Variants in TMEM132C observed in about 807,000 individuals in gnomAD.
TMEM132C encodes the protein protein phosphatase 1, regulatory subunit 152.
TMEM132C carries 29 observed loss-of-function variants against 61.4 expected under a neutral mutation model. That is an observed-to-expected ratio of 0.47 (90% CI 0.35 to 0.64). The LOEUF (loss-of-function observed/expected upper bound fraction) is 0.64. Among genes scored for constraint, TMEM132C ranks in the 30% least tolerant of loss-of-function variants. The probability of loss-of-function intolerance (pLI) is 0.00; values close to 1 mark genes in which losing one functional copy is unlikely to be tolerated. For synonymous variants in TMEM132C, 656 were observed against 633.1 expected (o/e 1.04, Z -0.54); for missense variants, 1,408 against 1,476.9 (o/e 0.95, Z 0.76).
intron 1 of TMEM132C, among the ~76,000 whole-genome samples, chr12:128,380,182 A>G (rs1268791141): frequency 6.6e-6 from 1 of 152,272 alleles, no homozygotes; most frequent in Admixed American, 6.5e-5. Context: ...AGGAAGCTTC[A>G]GAAAGATGGT....
intron 2 of TMEM132C, among the ~76,000 whole-genome samples, chr12:128,457,111 T>G (rs1870371951): frequency 6.6e-6 from 1 of 152,130 alleles, no homozygotes; most frequent in African/African-American, 2.4e-5. Context: ...TATATGCATG[T>G]TTTTGTGTGG....
At chr12:128,471,193 C>A (rs1321235409) in intron 2 of TMEM132C, among the ~76,000 whole-genome samples, 1 of 152,226 alleles carries the variant, frequency 6.6e-6, no homozygotes, top group Non-Finnish European at 1.5e-5. Flanking sequence ...CTGCTTCGAT[C>A]TGTGACAACC....
intron 4 of TMEM132C, among the ~76,000 whole-genome samples, chr12:128,637,620 C>G (rs1012003775): frequency 1.3e-5 from 2 of 152,138 alleles, no homozygotes; most frequent in Non-Finnish European, 2.9e-5. Flanking sequence ...CCCGGGCTGG[C>G]CTGGAACTCG....
intron 2 of TMEM132C, among the ~76,000 whole-genome samples, chr12:128,471,464 G>C (rs1239637243): frequency 6.6e-6 from 1 of 152,174 alleles, no homozygotes; most frequent in Non-Finnish European, 1.5e-5. Flanking sequence ...GAACCAAATG[G>C]AAGGAGGTTG....
chr12:128,604,001 G>C (rs1211073889), intron 3 of TMEM132C, among the ~76,000 whole-genome samples: 2 of 152,212 alleles, frequency 1.3e-5, no homozygotes, highest in Non-Finnish European at 2.9e-5. Flanking sequence ...GTAGAGAGAA[G>C]AGAGTGTCGA....
intron 3 of TMEM132C, among the ~76,000 whole-genome samples, chr12:128,598,474 G>T (rs937446309): frequency 1.3e-5 from 2 of 152,048 alleles, no homozygotes; most frequent in African/African-American, 2.4e-5. Context: ...GTGGAAGACA[G>T]CTCCCCAGCC....
intron 1 of TMEM132C, among the ~76,000 whole-genome samples, chr12:128,293,473 CA>C (rs77333461): frequency 0.13 from 20,404 of 152,166 alleles, 1,549 homozygotes; most frequent in East Asian, 0.3. Flanking sequence ...TACCTCCTTA[CA>C]GAATTTCAAA....
intron 2 of TMEM132C, among the ~76,000 whole-genome samples, chr12:128,471,602 T>C (rs1389374004): frequency 1.3e-5 from 2 of 152,216 alleles, no homozygotes; most frequent in Non-Finnish European, 2.9e-5. Flanking sequence ...AGAAGCAGCA[T>C]TGCATAGCAT....
chr12:128,515,795 A>G (rs895624726), intron 2 of TMEM132C, among the ~76,000 whole-genome samples: 34 of 152,058 alleles, frequency 2.2e-4, no homozygotes, highest in Non-Finnish European at 2.4e-4. Context: ...AGATGGTGCC[A>G]CTGCACTCCA....
chr12:128,627,979 T>G (rs771708315), intron 4 of TMEM132C, among the ~76,000 whole-genome samples: 3 of 151,946 alleles, frequency 2.0e-5, no homozygotes, highest in South Asian at 2.1e-4. Context: ...AGGTGCAGGT[T>G]CAGGTGCAGG....
chr12:128,464,176 C>T (rs1235511309), intron 2 of TMEM132C, among the ~76,000 whole-genome samples: 3 of 152,198 alleles, frequency 2.0e-5, no homozygotes, highest in Non-Finnish European at 1.5e-5. Context: ...TTTGATCTTT[C>T]CTCCACCATC....
At chr12:128,480,917 T>C (rs1871298017) in intron 2 of TMEM132C, among the ~76,000 whole-genome samples, 1 of 152,210 alleles carries the variant, frequency 6.6e-6, no homozygotes, top group South Asian at 2.1e-4. Flanking sequence ...ATTTTCCCTG[T>C]CAGCTCAGAG....
At chr12:128,314,387 G>A (rs1565898484) in intron 1 of TMEM132C, among the ~76,000 whole-genome samples, 1 of 152,126 alleles carries the variant, frequency 6.6e-6, no homozygotes, top group East Asian at 1.9e-4. Context: ...GCAGTTGAAT[G>A]TGTCATTGAC....
At chr12:128,686,065 GCA>G (rs1566014936) in intron 5 of TMEM132C, among the ~76,000 whole-genome samples, 28 of 74,094 alleles carry the variant, frequency 3.8e-4, no homozygotes, top group African/African-American at 9.4e-4. Context: ...GTGTGTGTGT[GCA>G]TGCGTGTGTG....
At chr12:128,273,595 A>G (rs1592992666) in intron 1 of TMEM132C, among the ~76,000 whole-genome samples, 1 of 152,062 alleles carries the variant, frequency 6.6e-6, no homozygotes, top group Admixed American at 6.5e-5. Flanking sequence ...TGTTTTATTT[A>G]TGTTCCATCT....
At chr12:128,469,675 T>C (rs1283751736) in intron 2 of TMEM132C, among the ~76,000 whole-genome samples, 2 of 136,072 alleles carry the variant, frequency 1.5e-5, no homozygotes, top group African/African-American at 7.4e-5. Context: ...TATATATATA[T>C]GTGCATTTAT....
At chr12:128,605,939 A>G (rs1030479570) in intron 3 of TMEM132C, among the ~76,000 whole-genome samples, 6 of 152,166 alleles carry the variant, frequency 3.9e-5, no homozygotes, top group African/African-American at 1.4e-4. Flanking sequence ...AAGATTCATC[A>G]TTTTTTGGCA....
At chr12:128,564,836 T>A (rs1281353764) in intron 3 of TMEM132C, among the ~76,000 whole-genome samples, 1 of 152,196 alleles carries the variant, frequency 6.6e-6, no homozygotes, top group East Asian at 1.9e-4. Flanking sequence ...GGATTCTTGT[T>A]TGTGGGAGGC....
intron 4 of TMEM132C, among the ~76,000 whole-genome samples, chr12:128,655,716 G>C (rs890217104): frequency 1.3e-5 from 2 of 152,004 alleles, no homozygotes; most frequent in African/African-American, 4.8e-5. Flanking sequence ...AGAACAGTGG[G>C]ATTACCACCA....
Sources: gnomAD v4.1 joint callset for allele counts (sites outside exome capture counted in the v4.1 genomes callset) on GRCh38, gnomAD v4.1.1 for gene constraint, MANE v1.5 for transcripts, NCBI Gene and HGNC (gene_info 2026-07-23, HGNC 2026-07-21) for gene names.